CRPPA: variants seen among roughly 807,000 people sequenced by gnomAD.
CRPPA encodes CDP-L-ribitol pyrophosphorylase A, also known as D-ribitol-5-phosphate cytidylyltransferase.
Under a neutral mutation model 52.0 loss-of-function variants are expected in CRPPA, and 43 were observed. The ratio of observed to expected loss-of-function variants is 0.83; its 90% confidence interval spans 0.65 to 1.07. The LOEUF (loss-of-function observed/expected upper bound fraction) is 1.07. Ranked by LOEUF, CRPPA falls within the 50% of genes least tolerant of loss-of-function variation. The pLI is 0.00. For missense variants in CRPPA, 629 were observed against 551.7 expected (o/e 1.14, Z -1.40); for synonymous variants, 250 against 203.5 (o/e 1.23, Z -1.94).
At chr7:16,297,274 G>C (rs1784693528) in intron 5 of CRPPA, among the ~76,000 whole-genome samples, 1 of 152,122 alleles carries the variant, frequency 6.6e-6, no homozygotes, top group Non-Finnish European at 1.5e-5. Context: ...TAACATATAA[G>C]GCACCTAGCA....
chr7:16,385,033 AC>A (rs1787219337), intron 2 of CRPPA, among the ~76,000 whole-genome samples: 1 of 152,220 alleles, frequency 6.6e-6, no homozygotes, highest in Admixed American at 6.5e-5. Context: ...ACTATAATGA[AC>A]ATTTATAAAG....
chr7:16,274,249 C>A (rs372692013), intron 6 of CRPPA, among the ~76,000 whole-genome samples: 1 of 151,966 alleles, frequency 6.6e-6, no homozygotes, highest in South Asian at 2.1e-4. Context: ...CAGGTTTCAC[C>A]GTGTTAGCCA....
At chr7:16,337,563 T>A (rs1467163672) in intron 3 of CRPPA, among the ~76,000 whole-genome samples, 1 of 151,774 alleles carries the variant, frequency 6.6e-6, no homozygotes, top group Non-Finnish European at 1.5e-5. Flanking sequence ...GTAACTGAAA[T>A]AGAGTCTAGA....
chr7:16,166,839 C>A (rs1371571932), intron 9 of CRPPA, among the ~76,000 whole-genome samples: 3 of 152,120 alleles, frequency 2.0e-5, no homozygotes, highest in Non-Finnish European at 4.4e-5. Context: ...CATGCCAATG[C>A]CCTTCTTCTT....
intron 2 of CRPPA, among the ~76,000 whole-genome samples, chr7:16,377,944 C>A (rs901533013): frequency 6.6e-6 from 1 of 152,088 alleles, no homozygotes. Flanking sequence ...TTCCAGCTCA[C>A]ACATACGGCA....
chr7:16,134,692 A>T (rs116239326), intron 9 of CRPPA, among the ~76,000 whole-genome samples: 1,793 of 152,320 alleles, frequency 0.012, 34 homozygotes, highest in African/African-American at 0.041. Context: ...AGTAAAAACA[A>T]AAATAAGATT....
chr7:16,382,953 C>T (rs1302185971), intron 2 of CRPPA, among the ~76,000 whole-genome samples: 5 of 152,200 alleles, frequency 3.3e-5, no homozygotes, highest in Non-Finnish European at 5.9e-5. Flanking sequence ...TCCTGTACCT[C>T]GGAGTAGTTT....
chr7:16,229,584 A>T (rs1782738590), intron 8 of CRPPA, among the ~76,000 whole-genome samples: 1 of 152,056 alleles, frequency 6.6e-6, no homozygotes, highest in African/African-American at 2.4e-5. Context: ...TTTTCATGTC[A>T]CAATTTTCAT....
chr7:16,364,386 G>A (rs994211513), intron 3 of CRPPA, among the ~76,000 whole-genome samples: 2 of 152,188 alleles, frequency 1.3e-5, no homozygotes, highest in Admixed American at 6.5e-5. Context: ...CTGTAAGTTG[G>A]TATGTGTATA....
chr7:16,380,912 T>C (rs1034007757), intron 2 of CRPPA, among the ~76,000 whole-genome samples: 54 of 152,162 alleles, frequency 3.5e-4, no homozygotes, highest in African/African-American at 1.3e-3. Context: ...TAGCGGTCTA[T>C]CAATTTTGTT....
At chr7:16,258,505 G>C (rs545526151) in intron 7 of CRPPA, 23 bp from the exon 8 acceptor site, 1 of 1,433,334 alleles carries the variant, frequency 7.0e-7, no homozygotes, top group Non-Finnish European at 9.6e-7. Flanking sequence ...AAAAATAAAA[G>C]GATATGAGAA....
intron 8 of CRPPA, among the ~76,000 whole-genome samples, chr7:16,227,974 C>T (rs996268622): frequency 2.0e-5 from 3 of 151,578 alleles, no homozygotes; most frequent in Non-Finnish European, 3.0e-5. Flanking sequence ...ATTCAGTTAT[C>T]CCAACAACAT....
chr7:16,392,769 T>C (rs1236436106), intron 2 of CRPPA, among the ~76,000 whole-genome samples: 1 of 152,098 alleles, frequency 6.6e-6, no homozygotes, highest in Non-Finnish European at 1.5e-5. Flanking sequence ...TTTTAAAGAA[T>C]TACGTAGTTT....
Position 16,091,741 on chromosome 7 carries a change from A to G in CRPPA, c.1310T>C (p.Ile437Thr). 6.4e-7 allele frequency: 1 copy of G among 1,564,822 alleles called. No homozygotes were observed. Among genetic ancestry groups the G allele is most frequent in the African/African-American group, 1.4e-5 (1 of 73,988 alleles). ...RQGAIIIASL[I>T]KERNSGLIGQ... ...AATGAGTCCAGAATTTCTTTCCTTG[A>G]TTAATGAAGCAATAATGATAGCACC... The change falls in exon 10 of 10, where the codon ATC becomes ACC. Residue 437 changes from isoleucine to threonine, a missense_variant. Coordinates refer to ENST00000407010, the MANE Select transcript of CRPPA (RefSeq NM_001101426.4).
At chr7:16,248,610 T>C (rs1040984574) in intron 8 of CRPPA, among the ~76,000 whole-genome samples, 13 of 152,136 alleles carry the variant, frequency 8.5e-5, no homozygotes, top group African/African-American at 3.1e-4. Flanking sequence ...GATGGCTGAA[T>C]AGGAACAGCT....
chr7:16,233,348 C>CA (rs1782859105), intron 8 of CRPPA, among the ~76,000 whole-genome samples: 1 of 151,816 alleles, frequency 6.6e-6, no homozygotes, highest in Non-Finnish European at 1.5e-5. Flanking sequence ...AGTATGCACG[C>CA]AAAAAAGAAA....
chr7:16,317,252 T>C (rs780663877), intron 3 of CRPPA, among the ~76,000 whole-genome samples: 1 of 152,114 alleles, frequency 6.6e-6, no homozygotes, highest in African/African-American at 2.4e-5. Context: ...TTCTTCCACA[T>C]TGGGGAATGG....
chr7:16,234,017 T>C (rs1782874744), intron 8 of CRPPA, among the ~76,000 whole-genome samples: 1 of 152,116 alleles, frequency 6.6e-6, no homozygotes, highest in Non-Finnish European at 1.5e-5. Flanking sequence ...CAGTTTACTA[T>C]ATAATCCAAA....
intron 8 of CRPPA, among the ~76,000 whole-genome samples, chr7:16,217,382 A>G (rs1160009841): frequency 3.3e-5 from 5 of 151,222 alleles, no homozygotes; most frequent in African/African-American, 4.8e-5. Context: ...AACGCAGAGC[A>G]CCTCTCCTCC....
Sources: allele counts gnomAD v4.1 joint callset (sites outside exome capture counted in the v4.1 genomes callset), GRCh38; gene constraint gnomAD v4.1.1; transcripts MANE v1.5; gene names NCBI Gene and HGNC (gene_info 2026-07-23, HGNC 2026-07-21).